The following ABCB1 variants were observed in gnomAD, a reference collection of about 807,000 sequenced individuals.
The protein encoded by ABCB1 is ATP binding cassette subfamily B member 1.
Under a neutral mutation model 142.0 loss-of-function variants are expected in ABCB1, and 69 were observed. The ratio of observed to expected loss-of-function variants is 0.49; its 90% CI spans 0.40 to 0.59. The LOEUF (loss-of-function observed/expected upper bound fraction) is 0.59, where lower values mean the gene tolerates loss of function less well. ABCB1 is among the 20% of genes least tolerant of loss of function. The pLI is 0.00. For missense variants in ABCB1, 1,326 were observed against 1,554.7 expected, an observed-to-expected ratio of 0.85 and a Z score of 2.47; for synonymous variants, 532 against 539.2, an observed-to-expected ratio of 0.99 and a Z score of 0.18.
intron 1 of ABCB1, among the ~76,000 whole-genome samples, chr7:87,703,885 C>CTTTTTTTTTTTTTTTTTTTTTTT: frequency 2.5e-4 from 15 of 60,260 alleles, no homozygotes; most frequent in Admixed American, 4.9e-4. Flanking sequence ...TCAGTTTTTT[C>CTTTTTTTTTTTTTTTTTTTTTTT]TTTTTTTTTT....
In ABCB1 at chr7:87,690,798, T is replaced by A. The variant is rs1369010979; in HGVS notation, c.-331+22363A>T. ...AAATCTGAATTATTATCTGATCACT[T>A]ATAATTAGTTTTATTTGTTTTACAA... is the stretch of plus-strand genomic sequence containing the variant. On this transcript the variant is annotated intron_variant, in intron 1 of 28. Transcript: ENST00000265724. 3.3e-5 allele frequency among the ~76,000 whole-genome samples: 5 copies of A among 152,152 alleles called. No individual in the cohort carries two copies. The South Asian group carries it at 1.0e-3, about 31-fold the overall frequency.
chr7:87,515,499 C>G, intron 24 of ABCB1, 71 bp from the exon 25 acceptor site: 1 of 1,373,426 alleles, frequency 7.3e-7, no homozygotes, highest in Non-Finnish European at 1.0e-6. Context: ...CTAACTCTCT[C>G]GATTACCAGG....
intron 1 of ABCB1, among the ~76,000 whole-genome samples, chr7:87,612,755 G>A (rs1819896874): frequency 6.6e-6 from 1 of 151,922 alleles, no homozygotes; most frequent in Non-Finnish European, 1.5e-5. Flanking sequence ...TTCCTTTTTG[G>A]TTTCATATAA....
At chr7:87,644,032 T>G (rs1822728138) in intron 1 of ABCB1, among the ~76,000 whole-genome samples, 1 of 152,120 alleles carries the variant, frequency 6.6e-6, no homozygotes, top group Non-Finnish European at 1.5e-5. Flanking sequence ...ATAATTTTTA[T>G]ATTTTTAGTA....
At chr7:87,530,334 C>G (rs527869336) in intron 21 of ABCB1, among the ~76,000 whole-genome samples, 2 of 152,188 alleles carry the variant, frequency 1.3e-5, no homozygotes, top group Non-Finnish European at 2.9e-5. Context: ...ATCAGAGGAA[C>G]TCTTTGTTTT....
intron 1 of ABCB1, among the ~76,000 whole-genome samples, chr7:87,675,075 A>C (rs1388595212): frequency 6.6e-6 from 1 of 152,220 alleles, no homozygotes; most frequent in Non-Finnish European, 1.5e-5. Flanking sequence ...GGATCCTGGC[A>C]GTCTGTGGTG....
At chr7:87,512,191 T>A (rs573101678) in intron 25 of ABCB1, among the ~76,000 whole-genome samples, 50 of 53,720 alleles carry the variant, frequency 9.3e-4, no homozygotes, top group African/African-American at 3.0e-3. Context: ...AAAAAAAAAA[T>A]TTTTTTTTTT....
At chr7:87,710,667 CT>C in intron 1 of ABCB1, 3 of 1,448,384 alleles carry the variant, frequency 2.1e-6, no homozygotes, top group South Asian at 2.5e-5. Context: ...TTTAAAAGTC[CT>C]TTTAATTTTC....
At chr7:87,574,789 T>G (rs1356135290) in intron 4 of ABCB1, among the ~76,000 whole-genome samples, 1 of 152,218 alleles carries the variant, frequency 6.6e-6, no homozygotes, top group Non-Finnish European at 1.5e-5. Context: ...AATTGACAGA[T>G]GATTCAACTT....
chr7:87,709,476 C>T, intron 1 of ABCB1: 1 of 985,370 alleles, frequency 1.0e-6, no homozygotes, highest in South Asian at 4.7e-5. Context: ...ATGGACTGAG[C>T]ACAGGGCAAG....
At chr7:87,648,708 G>T (rs28746500) in intron 1 of ABCB1, among the ~76,000 whole-genome samples, 321 of 151,874 alleles carry the variant, frequency 2.1e-3, no homozygotes, top group African/African-American at 7.4e-3. Context: ...TTTATTTCCC[G>T]ATATAACTGG....
intron 4 of ABCB1, among the ~76,000 whole-genome samples, chr7:87,577,814 T>A (rs1347210658): frequency 1.3e-5 from 2 of 152,240 alleles, no homozygotes; most frequent in East Asian, 3.8e-4. Flanking sequence ...ATATTCTGGT[T>A]ATTAATCTGA....
At chr7:87,630,222 A>G (rs1411394402) in intron 1 of ABCB1, among the ~76,000 whole-genome samples, 2 of 152,178 alleles carry the variant, frequency 1.3e-5, no homozygotes, top group Non-Finnish European at 2.9e-5. Context: ...AAATGTGTCT[A>G]GCATCTTAAG....
chr7:87,538,838 A>T (rs1324908229), intron 19 of ABCB1, among the ~76,000 whole-genome samples: 1 of 152,176 alleles, frequency 6.6e-6, no homozygotes, highest in Non-Finnish European at 1.5e-5. Flanking sequence ...ATGGGCAGTG[A>T]AGAACAGGAC....
chr7:87,700,706 A>G, intron 1 of ABCB1: 1 of 672,056 alleles, frequency 1.5e-6, no homozygotes, highest in South Asian at 2.4e-5. Flanking sequence ...ACATTTCTTG[A>G]ATTATCTAAA....
At chr7:87,598,148 T>A (rs1819284917) in intron 2 of ABCB1, among the ~76,000 whole-genome samples, 1 of 152,176 alleles carries the variant, frequency 6.6e-6, no homozygotes, top group African/African-American at 2.4e-5. Flanking sequence ...TCATTTTGAT[T>A]ACATGTAGAA....
At chr7:87,651,059 A>C (rs772995568) in intron 1 of ABCB1, 65 of 624,272 alleles carry the variant, frequency 1.0e-4, no homozygotes, top group Non-Finnish European at 1.7e-4. Context: ...GAAATGTCAA[A>C]TCTTTTGGCC....
At position 87,509,430 on chromosome 7, in the gene ABCB1, G is replaced by A. The variant is rs2117068744; in HGVS notation, c.3334C>T (p.His1112Tyr). The A allele has an allele frequency of 6.2e-7, 1 of 1,614,198 alleles. No homozygotes were observed. Among genetic ancestry groups the A allele is most frequent in the Non-Finnish European group, 8.5e-7 (1 of 1,180,032 alleles). Residue 1112 changes from histidine (H) to tyrosine (Y), a missense_variant, in exon 26 of 28, where the codon CAC becomes TAC. Coordinates refer to ENST00000622132, the MANE Select transcript of ABCB1 (RefSeq NM_001348946.2). ...KRLNVQWLRA[H>Y]LGIVSQEPIL... ...GGCTCCTGGGACACGATGCCCAGGTGTGCTCGGAGCCACTGAACATTCAGT... is the reference window on the plus strand; with the variant it reads ...GGCTCCTGGGACACGATGCCCAGGTATGCTCGGAGCCACTGAACATTCAGT...
intron 21 of ABCB1, chr7:87,521,900 GC>G: frequency 1.3e-6 from 1 of 773,764 alleles, no homozygotes; most frequent in Non-Finnish European, 2.3e-6. Context: ...AAGAAAAGGG[GC>G]TTTGCTTTAG....
Sources: allele counts gnomAD v4.1 joint callset (sites outside exome capture counted in the v4.1 genomes callset), GRCh38; gene constraint gnomAD v4.1.1; transcripts MANE v1.5; gene names NCBI Gene and HGNC (gene_info 2026-07-23, HGNC 2026-07-21).